The following ADGRF5 variants were observed in gnomAD, a reference collection of about 807,000 sequenced individuals.
The protein encoded by ADGRF5 is G-protein coupled receptor 116.
In ADGRF5, 75 loss-of-function variants were observed where a neutral mutation model predicts 132.3. The observed-to-expected ratio is 0.57, with a 90% CI of 0.47 to 0.69. ADGRF5 has a LOEUF of 0.69. ADGRF5 is among the 30% of genes least tolerant of loss of function. The pLI is 0.00. For synonymous variants in ADGRF5, 629 were observed against 597.6 expected, an observed-to-expected ratio of 1.05 and a Z score of -0.77; for missense variants, 1,516 against 1,630.6, an observed-to-expected ratio of 0.93 and a Z score of 1.21.
chr6:46,879,479 C>G (rs1421925046), intron 9 of ADGRF5, among the ~76,000 whole-genome samples: 2 of 152,116 alleles, frequency 1.3e-5, no homozygotes, highest in African/African-American at 4.8e-5. Flanking sequence ...TCCCCAGACC[C>G]TCTCTCCCTC....
At chr6:46,874,867 T>C (rs1251282593) in intron 10 of ADGRF5, among the ~76,000 whole-genome samples, 1 of 152,228 alleles carries the variant, frequency 6.6e-6, no homozygotes, top group Non-Finnish European at 1.5e-5. Context: ...TGGCAAGGTT[T>C]GGAGACATTT....
intron 10 of ADGRF5, among the ~76,000 whole-genome samples, chr6:46,877,172 A>G (rs950717635): frequency 6.6e-6 from 1 of 152,254 alleles, no homozygotes; most frequent in African/African-American, 2.4e-5. Context: ...TTTGGCCAAG[A>G]CAGACACTGG....
chr6:46,946,544 G>T (rs1778308883), intron 1 of ADGRF5, among the ~76,000 whole-genome samples: 1 of 152,142 alleles, frequency 6.6e-6, no homozygotes, highest in Admixed American at 6.5e-5. Flanking sequence ...TGCTCCTATT[G>T]TTTTAAGATG....
Position 46,913,941 on chromosome 6 carries a change from C to T in ADGRF5, c.-24-7155G>A, listed in dbSNP as rs562332883. 2.0e-5 allele frequency among the ~76,000 whole-genome samples: 3 copies of T among 152,312 alleles called. No homozygotes were observed. In the South Asian group the frequency reaches 6.2e-4, roughly 32 times the overall value. On this transcript the variant is annotated intron_variant, in intron 1 of 20. Transcript: ENST00000283296. Reference sequence around the variant, plus strand: ...TATTGTGACCTTTGAAAACAGCCAACGGCATATACCCTAATGTCTCCCAAA... The same window carrying T: ...TATTGTGACCTTTGAAAACAGCCAATGGCATATACCCTAATGTCTCCCAAA...
Position 46,953,649 on chromosome 6 carries a change from G to GTA in ADGRF5, c.-25+1084_-25+1085insTA, listed in dbSNP as rs1408461844. ...AAAAATTATATATATATAGATATAT[G>GTA]TGTATATATATATATATATATATAT... On this transcript the variant is annotated intron_variant, in intron 1 of 20. Coordinates refer to the ADGRF5 transcript ENST00000265417. Among the ~76,000 whole-genome samples the GTA allele has an allele frequency of 7.4e-3, 681 of 91,418 alleles. 45 individuals carry two copies. The highest frequency in any genetic ancestry group is 0.025 in the African/African-American group (551 of 21,738). The allele number at this position is 91,418 out of a possible 152,430, so 60.0% of individuals were successfully genotyped here.
At chr6:46,856,811 A>G (rs369783025) in intron 18 of ADGRF5, 34 bp from the exon 19 acceptor site, 61 of 1,600,784 alleles carry the variant, frequency 3.8e-5, no homozygotes, top group Middle Eastern at 4.5e-4. Context: ...CGTAACTTCA[A>G]CATGCCACAA....
intron 17 of ADGRF5, 135 bp downstream of exon 17, chr6:46,857,994 T>C (rs558855266): frequency 3.1e-6 from 2 of 654,470 alleles, no homozygotes; most frequent in Admixed American, 3.0e-5. Flanking sequence ...TGAGTTCTCA[T>C]TATTACTGCT....
At chr6:46,934,685 G>A (rs1037866862) in intron 1 of ADGRF5, among the ~76,000 whole-genome samples, 2 of 152,162 alleles carry the variant, frequency 1.3e-5, no homozygotes, top group Non-Finnish European at 2.9e-5. Context: ...GTGTCATTCT[G>A]CAGAGGCTGG....
rs1391502146 is a variant in ADGRF5 at position 46,858,643 on chromosome 6, A to G, written c.3260T>C (p.Val1087Ala). 6.2e-7 allele frequency: 1 copy of G among 1,614,172 alleles called. No individual in the cohort carries two copies. ...GAAGTGGATGAAGAAGGTGGCAGCC[A>G]CACAGGCTGTCTTGCAGAGTATGTA... ...NRYILCKTAC[V>A]AATFFIHFFY... Residue 1087 changes from valine to alanine, a missense_variant, in exon 17 of 21, where the codon GTG becomes GCG. Transcript: ENST00000283296.
In ADGRF5 at chr6:46,910,169, G is replaced by A. The variant is rs150967783; in HGVS notation, c.-24-3383C>T. 1.4e-3 allele frequency among the ~76,000 whole-genome samples: 216 copies of A among 152,218 alleles called. 4 individuals are homozygous for A. In the East Asian group the frequency reaches 0.032, roughly 23 times the overall value. ...TCAGAGGTGGCTAGGAGCTGAGTTC[G>A]TCAGAACTCCAAGAGATCTACCAAT... On this transcript the variant is annotated intron_variant, in intron 1 of 20. Coordinates refer to ENST00000283296, the MANE Select transcript of ADGRF5 (RefSeq NM_001098518.2).
At position 46,872,029 on chromosome 6, in the gene ADGRF5, A is replaced by G. The variant is rs1489914715; in HGVS notation, c.1241-16T>C. 6.4e-7 allele frequency: 1 copy of G among 1,564,626 alleles called. No homozygotes were observed. Among genetic ancestry groups the G allele is most frequent in the African/African-American group, 1.4e-5 (1 of 73,714 alleles). On this transcript the variant is annotated splice_polypyrimidine_tract_variant and intron_variant, in intron 10 of 20. Transcript: ENST00000283296. ...TCAGGGGTTCCTATAATGAGAAGCA[A>G]ATTGTTGCCATCCCAGCTGGCTAAC...
Position 46,858,922 on chromosome 6 carries a change from G to A in ADGRF5, c.2981C>T (p.Ser994Phe), listed in dbSNP as rs765095740. ...TCICDHLTSF[S>F]ILMSPDSPDP... ...TGGGGAGTCAGGGGACATGAGGATG[G>A]AGAATGATGTTAGGTGGTCACAGAT... is the stretch of plus-strand genomic sequence containing the variant. Residue 994 changes from serine to phenylalanine, a missense_variant, in exon 17 of 21, where the codon TCC becomes TTC. Transcript: ENST00000283296. 1.9e-6 allele frequency: 3 copies of A among 1,613,852 alleles called. No homozygotes were observed. The highest frequency in any genetic ancestry group is 2.5e-6 in the Non-Finnish European group (3 of 1,179,866).
chr6:46,858,734 T>C lies in ADGRF5; in HGVS notation c.3169A>G (p.Ile1057Val). 2 of 1,614,126 alleles carry C rather than the reference T, an allele frequency of 1.2e-6. No homozygotes were observed. The highest frequency in any genetic ancestry group is 1.7e-6 in the Non-Finnish European group (2 of 1,180,006). ...SYMRHTCIVN[I>V]AASLLVANTW... The stretch of plus-strand genomic sequence containing the variant: ...TTGGCGACCAGAAGGGAGGCAGCGA[T>C]ATTCACTATGCAGGTGTGGCGCATA... Residue 1057 changes from isoleucine (I) to valine (V), a missense_variant, in exon 17 of 21, where the codon ATC becomes GTC. Transcript: ENST00000283296.
intron 1 of ADGRF5, among the ~76,000 whole-genome samples, chr6:46,933,884 A>G (rs936493532): frequency 1.3e-5 from 2 of 152,216 alleles, no homozygotes; most frequent in African/African-American, 4.8e-5. Flanking sequence ...CTACATATCA[A>G]CAATTACACG....
chr6:46,854,763 G>A lies in ADGRF5; in HGVS notation c.3962-692C>T, dbSNP rs537850596. On this transcript the variant is annotated intron_variant, in intron 20 of 20. Coordinates refer to ENST00000283296, the MANE Select transcript of ADGRF5 (RefSeq NM_001098518.2). The stretch of plus-strand genomic sequence containing the variant: ...GCTAACAAGGTTTCCGTCATGGCCT[G>A]GGGGGATCTTAGGGGCTGCTGACAA... 5.8e-5 allele frequency: 74 copies of A among 1,286,380 alleles called. No homozygotes were observed. The African/African-American group carries it at 1.0e-3, about 18-fold the overall frequency. The allele number at this position is 1,286,380 out of a possible 1,614,324, so 79.7% of individuals were successfully genotyped here.
upstream of ADGRF5, among the ~76,000 whole-genome samples, chr6:46,923,933 C>A (rs1777125156): frequency 6.6e-6 from 1 of 152,140 alleles, no homozygotes; most frequent in African/African-American, 2.4e-5. Context: ...GTGGCTGAAC[C>A]CAAATTTCTT....
intron 1 of ADGRF5, among the ~76,000 whole-genome samples, chr6:46,919,839 G>T (rs1013917251): frequency 6.6e-6 from 1 of 152,144 alleles, no homozygotes; most frequent in African/African-American, 2.4e-5. Context: ...GAAAGTGTTC[G>T]TATTATTCTT....
At chr6:46,926,139 T>G (rs958852761), upstream of ADGRF5, among the ~76,000 whole-genome samples, 1 of 152,212 alleles carries the variant, frequency 6.6e-6, no homozygotes, top group East Asian at 1.9e-4. Context: ...CCTCCACTAA[T>G]GGAATTGGTC....
At chr6:46,874,445 G>A (rs1771414996) in intron 10 of ADGRF5, among the ~76,000 whole-genome samples, 1 of 152,186 alleles carries the variant, frequency 6.6e-6, no homozygotes, top group Admixed American at 6.5e-5. Context: ...CAGATGTACA[G>A]AAATAATGAT....
Sources: gnomAD v4.1 joint callset for allele counts (sites outside exome capture counted in the v4.1 genomes callset) on GRCh38, gnomAD v4.1.1 for gene constraint, MANE v1.5 for transcripts, NCBI Gene and HGNC (gene_info 2026-07-23, HGNC 2026-07-21) for gene names.